GRID2: variants seen among roughly 807,000 people sequenced by gnomAD.
GRID2 encodes glutamate receptor ionotropic, delta-2.
Under a neutral mutation model 114.8 loss-of-function variants are expected in GRID2, and 33 were observed. That is an observed-to-expected ratio of 0.29 (90% CI 0.22 to 0.38). GRID2 has a LOEUF of 0.38. Ranked by LOEUF, GRID2 falls within the 10% of genes least tolerant of loss-of-function variation. The pLI is 1.00. For missense variants in GRID2, 1,184 were observed against 1,257.7 expected (o/e 0.94, Z 0.89); for synonymous variants, 505 against 449.9 (o/e 1.12, Z -1.55).
intron 8 of GRID2, among the ~76,000 whole-genome samples, chr4:93,307,698 G>C (rs1377139247): frequency 6.6e-6 from 1 of 152,052 alleles, no homozygotes; most frequent in Non-Finnish European, 1.5e-5. Flanking sequence ...TAAATTTAAT[G>C]ATAATAATTA....
intron 2 of GRID2, among the ~76,000 whole-genome samples, chr4:93,078,779 G>GTATATACTAAATATATTTATGTACTA (rs1729587331): frequency 7.8e-6 from 1 of 127,730 alleles, no homozygotes; most frequent in Non-Finnish European, 1.6e-5. Context: ...TTTATATACT[G>GTATATACTAAATATATTTATGTACTA]TATATACTAA....
At chr4:93,391,283 C>T (rs1217821996) in intron 8 of GRID2, among the ~76,000 whole-genome samples, 1 of 152,148 alleles carries the variant, frequency 6.6e-6, no homozygotes. Flanking sequence ...GTATCTGAGT[C>T]AACCTGCCAT....
intron 9 of GRID2, among the ~76,000 whole-genome samples, chr4:93,397,814 T>C (rs1283354215): frequency 1.3e-5 from 2 of 151,944 alleles, no homozygotes; most frequent in Non-Finnish European, 2.9e-5. Context: ...TTTAGATTAC[T>C]CTTAATACCT....
intron 8 of GRID2, among the ~76,000 whole-genome samples, chr4:93,275,588 C>T (rs1751970333): frequency 6.6e-6 from 1 of 151,834 alleles, no homozygotes; most frequent in Admixed American, 6.6e-5. Flanking sequence ...TCCACATCTT[C>T]ACCACCACTT....
intron 5 of GRID2, among the ~76,000 whole-genome samples, chr4:93,212,607 A>G (rs945221737): frequency 6.6e-6 from 1 of 152,088 alleles, no homozygotes; most frequent in Non-Finnish European, 1.5e-5. Context: ...AAGAAGCACA[A>G]TGCTTCATAT....
chr4:93,771,972 A>C lies in GRID2; in HGVS notation c.2602-104A>C, dbSNP rs982692383. On this transcript the variant is annotated intron_variant, in intron 15 of 15. Transcript: ENST00000282020. The stretch of plus-strand genomic sequence containing the variant: ...CAATAAATATTTGTTAAATGAATAA[A>C]CCCCAAAGTTCAGTTAATTACATGT... The C allele has an allele frequency of 5.5e-5, 38 of 688,294 alleles. No individual in the cohort carries two copies. In the Middle Eastern group the frequency reaches 7.6e-4, roughly 14 times the overall value. 42.6% of individuals were successfully genotyped at this position (688,294 alleles called of 1,614,324 possible). A position where few individuals can be genotyped will look rare whatever the true frequency, so the allele number is the denominator to read the frequency against.
At chr4:93,105,070 AT>A (rs1168072965) in intron 3 of GRID2, among the ~76,000 whole-genome samples, 2 of 151,752 alleles carry the variant, frequency 1.3e-5, no homozygotes, top group Admixed American at 6.6e-5. Flanking sequence ...GATGATGAGC[AT>A]TTTTTCATGT....
At chr4:93,133,122 CT>C (rs1446255666) in intron 4 of GRID2, among the ~76,000 whole-genome samples, 1 of 152,108 alleles carries the variant, frequency 6.6e-6, no homozygotes, top group Non-Finnish European at 1.5e-5. Flanking sequence ...ATAGCTTTTC[CT>C]TTGCATGCTC....
chr4:92,751,855 A>G (rs1737468796), intron 2 of GRID2, among the ~76,000 whole-genome samples: 1 of 152,244 alleles, frequency 6.6e-6, no homozygotes, highest in African/African-American at 2.4e-5. Context: ...TACATCAAGG[A>G]GTCTAATCTG....
intron 2 of GRID2, among the ~76,000 whole-genome samples, chr4:92,623,723 C>T (rs1442688973): frequency 1.3e-5 from 2 of 151,658 alleles, no homozygotes; most frequent in African/African-American, 2.4e-5. Flanking sequence ...GCTGTGGCAC[C>T]GCTAACACCC....
At chr4:92,653,143 A>G (rs960246962) in intron 2 of GRID2, among the ~76,000 whole-genome samples, 3 of 150,176 alleles carry the variant, frequency 2.0e-5, no homozygotes, top group Non-Finnish European at 4.4e-5. Context: ...GATTACAGGC[A>G]CTTGCCACCA....
intron 2 of GRID2, among the ~76,000 whole-genome samples, chr4:93,083,695 CAAAA>C (rs34205612): frequency 1.3e-5 from 1 of 75,768 alleles, no homozygotes; most frequent in Non-Finnish European, 2.6e-5. Context: ...GACTCCATCT[CAAAA>C]AAAAAAAAAA....
At chr4:93,387,684 G>A (rs1764453654) in intron 8 of GRID2, among the ~76,000 whole-genome samples, 1 of 151,986 alleles carries the variant, frequency 6.6e-6, no homozygotes, top group South Asian at 2.1e-4. Flanking sequence ...ACAAAAATTA[G>A]CCAGGTATGG....
chr4:92,349,188 AT>A lies in GRID2; in HGVS notation c.88+44447del, dbSNP rs1284101540. Among the ~76,000 whole-genome samples, 3 of 152,176 alleles carry A rather than the reference AT, an allele frequency of 2.0e-5. No homozygotes were observed. In the East Asian group the frequency reaches 5.8e-4, roughly 29 times the overall value. The stretch of plus-strand genomic sequence containing the variant: ...TATTTCAAAAAGTTAATGTTAAACA[AT>A]TTGAAAATGTGAAACATGGAAAATA... On this transcript the variant is annotated intron_variant, in intron 1 of 15. Transcript: ENST00000282020.
chr4:92,945,636 G>C (rs1022710486), intron 2 of GRID2, among the ~76,000 whole-genome samples: 1 of 152,166 alleles, frequency 6.6e-6, no homozygotes, highest in African/African-American at 2.4e-5. Flanking sequence ...TTAATCAACA[G>C]CACTAAGGTT....
At chr4:93,798,472 C>A (rs1267843635) in intron 1 of GRID2, among the ~76,000 whole-genome samples, 1 of 151,994 alleles carries the variant, frequency 6.6e-6, no homozygotes, top group Non-Finnish European at 1.5e-5. Context: ...TTGGCACAAA[C>A]CTGGTTGGAG....
chr4:93,584,204 T>C (rs887817586), intron 13 of GRID2, among the ~76,000 whole-genome samples: 2 of 152,162 alleles, frequency 1.3e-5, no homozygotes, highest in Non-Finnish European at 2.9e-5. Flanking sequence ...ATAGAAGGGC[T>C]ATCCCTCTAA....
chr4:93,397,300 C>T (rs779552824), intron 9 of GRID2, among the ~76,000 whole-genome samples: 5 of 151,718 alleles, frequency 3.3e-5, no homozygotes, highest in Non-Finnish European at 5.9e-5. Flanking sequence ...AATGTGAATT[C>T]GCTTCTGTAT....
chr4:92,321,750 C>G (rs188298285), intron 1 of GRID2, among the ~76,000 whole-genome samples: 44 of 152,118 alleles, frequency 2.9e-4, no homozygotes, highest in African/African-American at 9.2e-4. Flanking sequence ...TTGACCCAGT[C>G]AAAAATTGTG....
Sources: gnomAD v4.1 joint callset for allele counts (sites outside exome capture counted in the v4.1 genomes callset) on GRCh38, gnomAD v4.1.1 for gene constraint, MANE v1.5 for transcripts, NCBI Gene and HGNC (gene_info 2026-07-23, HGNC 2026-07-21) for gene names.